The following SIRPB2 variants were observed in gnomAD, a reference collection of about 807,000 sequenced individuals.
SIRPB2 encodes the protein signal-regulatory protein beta-2.
SIRPB2 carries 18 observed loss-of-function variants against 27.1 expected under a neutral mutation model. The ratio of observed to expected loss-of-function variants is 0.66; its 90% CI spans 0.46 to 0.98. SIRPB2 has a LOEUF of 0.98. SIRPB2 is among the 50% of genes least tolerant of loss of function. The pLI, the probability that SIRPB2 is intolerant of heterozygous loss-of-function variation, is 0.00. For synonymous variants in SIRPB2, 150 were observed against 164.6 expected (o/e 0.91, Z 0.68); for missense variants, 420 against 417.4 (o/e 1.01, Z -0.06).
chr20:1,477,134 G>A (rs2090613368), intron 4 of SIRPB2: 1 of 1,535,132 alleles, frequency 6.5e-7, no homozygotes, highest in African/African-American at 1.4e-5. Context: ...CATGGCCCTG[G>A]CTATGAGAAA....
chr20:1,489,268 T>C (rs1452661694), intron 1 of SIRPB2, among the ~76,000 whole-genome samples: 1 of 152,222 alleles, frequency 6.6e-6, no homozygotes, highest in African/African-American at 2.4e-5. Flanking sequence ...ATTTTGGTGA[T>C]GATTTCACAA....
At chr20:1,480,265 C>A in intron 1 of SIRPB2, 200 bp from the exon 2 acceptor site, 1 of 650,398 alleles carries the variant, frequency 1.5e-6, no homozygotes, top group Non-Finnish European at 2.5e-6. Flanking sequence ...GGCAAACCTA[C>A]AAACAATAAA....
chr20:1,470,942 A>G (rs1303953912), downstream of SIRPB2: 1 of 152,190 alleles, frequency 6.6e-6, no homozygotes, highest in Non-Finnish European at 1.5e-5. Context: ...TTCAGAGTGT[A>G]CTGTCTCTTT....
At chr20:1,483,254 A>T (rs114365716) in intron 1 of SIRPB2, among the ~76,000 whole-genome samples, 1 of 152,006 alleles carries the variant, frequency 6.6e-6, no homozygotes, top group Non-Finnish European at 1.5e-5. Flanking sequence ...TTACAGGCAC[A>T]TGACACTACA....
chr20:1,473,673 G>C (rs1198048457), downstream of SIRPB2: 1 of 319,054 alleles, frequency 3.1e-6, no homozygotes, highest in Non-Finnish European at 6.4e-6. Flanking sequence ...AGTCCAGAGG[G>C]GTGCTGGAGA....
At chr20:1,480,660 TGAG>T (rs1216904132) in intron 1 of SIRPB2, among the ~76,000 whole-genome samples, 1 of 152,146 alleles carries the variant, frequency 6.6e-6, no homozygotes, top group African/African-American at 2.4e-5. Flanking sequence ...GTCTATAGGC[TGAG>T]GAGAGGCGCC....
rs1300040878 is a variant in SIRPB2, at chr20:1,475,952, T to C, written c.*215A>G. The C allele has an allele frequency of 3.0e-5, 16 of 530,256 alleles. No homozygotes were observed. The highest frequency in any genetic ancestry group is 4.9e-4 in the Middle Eastern group (1 of 2,058). 32.8% of individuals were successfully genotyped at this position (530,256 alleles called of 1,614,324 possible). ...AGCCAGGGACTGAAAAGCAAGGAGG[T>C]CTTGAACAGGCCAAAAAGAGAAAGG... On this transcript the variant is annotated 3_prime_UTR_variant, in exon 5 of 5. Coordinates refer to ENST00000359801, the MANE Select transcript of SIRPB2 (RefSeq NM_001122962.2).
At chr20:1,486,046 T>C (rs2090722376) in intron 1 of SIRPB2, among the ~76,000 whole-genome samples, 1 of 150,348 alleles carries the variant, frequency 6.7e-6, no homozygotes, top group South Asian at 2.2e-4. Context: ...ATTTGTGAAT[T>C]TTCCATATCT....
rs568210990 is a variant in SIRPB2, at chr20:1,489,782, G to T, written c.85+1493C>A. ...AATAGGGGCACTCATATTTTTCTCGGGGCTGCTGTGAGTATTAAATAGAGA... is the reference window on the plus strand; with the variant it reads ...AATAGGGGCACTCATATTTTTCTCGTGGCTGCTGTGAGTATTAAATAGAGA... On this transcript the variant is annotated intron_variant, in intron 1 of 4. Coordinates refer to ENST00000359801, the MANE Select transcript of SIRPB2 (RefSeq NM_001122962.2). 2.2e-4 allele frequency among the ~76,000 whole-genome samples: 34 copies of T among 152,262 alleles called. 2 individuals are homozygous for T. In the South Asian group the frequency reaches 6.8e-3, roughly 31 times the overall value.
chr20:1,472,792 G>C (rs552207410), downstream of SIRPB2: 3 of 152,172 alleles, frequency 2.0e-5, no homozygotes, highest in African/African-American at 7.2e-5. Flanking sequence ...TCTCTGCCAT[G>C]TATGTAGTTC....
In SIRPB2 at chr20:1,479,971, A is replaced by G; in HGVS notation, c.180T>C (p.Cys60=). 6.2e-7 allele frequency: 1 copy of G among 1,614,192 alleles called. No homozygotes were observed. The change falls in exon 2 of 5, where the codon TGT becomes TGC. Residue 60 remains cysteine, a synonymous_variant. Coordinates refer to ENST00000359801, the MANE Select transcript of SIRPB2 (RefSeq NM_001122962.2). ...VAEGETLLLR[C]MVVGSCTDGM... is the part of the protein sequence containing the mutation. ...CATCAGTGCAGGAGCCGACCACCAT[A>G]CACCTCAGTAGAAGTGTCTCACCTT...
intron 1 of SIRPB2, among the ~76,000 whole-genome samples, chr20:1,482,040 C>A (rs2090676218): frequency 6.6e-6 from 1 of 151,948 alleles, no homozygotes; most frequent in Non-Finnish European, 1.5e-5. Flanking sequence ...GTCCACCCAA[C>A]AAATCTTAAA....
At chr20:1,486,844 G>A (rs751473810) in intron 1 of SIRPB2, among the ~76,000 whole-genome samples, 7 of 152,100 alleles carry the variant, frequency 4.6e-5, no homozygotes, top group Non-Finnish European at 2.9e-5. Context: ...GTTGATAAGG[G>A]GCACCTGTGA....
chr20:1,483,107 C>T (rs1323158894), intron 1 of SIRPB2, among the ~76,000 whole-genome samples: 1 of 140,906 alleles, frequency 7.1e-6, no homozygotes, highest in African/African-American at 2.6e-5. Flanking sequence ...TCATCCTCAT[C>T]ATTTTTTTTT....
rs141706251 is a variant in SIRPB2, at chr20:1,485,301, T to C, written c.86-5236A>G. On this transcript the variant is annotated intron_variant, in intron 1 of 4. Transcript: ENST00000359801. ...ATGAGGTGATGGATATCCTAAATACTTTGACTCATTTATTACACATCCTAT... is the reference window on the plus strand; with the variant it reads ...ATGAGGTGATGGATATCCTAAATACCTTGACTCATTTATTACACATCCTAT... 2.6e-3 allele frequency among the ~76,000 whole-genome samples: 390 copies of C among 152,272 alleles called. 2 individuals are homozygous for C. Among genetic ancestry groups the C allele is most frequent in the African/African-American group, 8.9e-3 (370 of 41,548 alleles).
intron 3 of SIRPB2, 161 bp downstream of exon 3, chr20:1,478,105 G>A: frequency 1.3e-6 from 1 of 744,130 alleles, no homozygotes. Context: ...TGAAGGATGA[G>A]TAGGAGTTTT....
intron 1 of SIRPB2, among the ~76,000 whole-genome samples, chr20:1,485,447 G>T (rs954920975): frequency 6.6e-6 from 1 of 152,060 alleles, no homozygotes; most frequent in African/African-American, 2.4e-5. Context: ...ATAAAAATTT[G>T]CGGGATTCTG....
chr20:1,479,779 GGT>G lies in SIRPB2; in HGVS notation c.370_371del (p.Thr124LeufsTer7). ...AACCATCAAACCTCACACAGTGGTA[GGT>G]TCCAGTGTGCTCCCTGGTGACATTG... ...IHNVTREHTG[T>X]YHCVRFDGLS... is the part of the protein sequence containing the mutation. On this transcript the variant is annotated frameshift_variant, in exon 2 of 5. Transcript: ENST00000359801. LOFTEE classifies it high-confidence loss of function. 1.2e-6 allele frequency: 2 copies of G among 1,614,208 alleles called. No individual in the cohort carries two copies. Among genetic ancestry groups the G allele is most frequent in the Non-Finnish European group, 1.7e-6 (2 of 1,180,018 alleles).
At position 1,479,893 on chromosome 20, in the gene SIRPB2, G is replaced by T; in HGVS notation, c.258C>A (p.Asn86Lys). 6.2e-7 allele frequency: 1 copy of T among 1,614,228 alleles called. No individual in the cohort carries two copies. Among genetic ancestry groups the T allele is most frequent in the Non-Finnish European group, 8.5e-7 (1 of 1,180,044 alleles). Residue 86 changes from asparagine to lysine, a missense_variant, in exon 2 of 5, where the codon AAC becomes AAA. Asn to Lys is a moderately conservative substitution (Grantham distance 94). Coordinates refer to ENST00000359801, the MANE Select transcript of SIRPB2 (RefSeq NM_001122962.2). ...CCCCAGGGAAGGAGCCACGTTTAAA[G>T]TTATAAATTTCCTGTTGGTCCTGAG... ...VSTQDQQEIYNFKRGSFPGVM... is the reference protein window; with the variant it reads ...VSTQDQQEIYKFKRGSFPGVM...
Sources: allele counts gnomAD v4.1 joint callset (sites outside exome capture counted in the v4.1 genomes callset), GRCh38; gene constraint gnomAD v4.1.1; transcripts MANE v1.5; gene names NCBI Gene and HGNC (gene_info 2026-07-23, HGNC 2026-07-21).